The following ADAMTS1 variants were observed in gnomAD, a reference collection of about 807,000 sequenced individuals.
The protein encoded by ADAMTS1 is ADAM metallopeptidase with thrombospondin type 1 motif 1.
ADAMTS1 carries 19 observed loss-of-function variants against 87.9 expected under a neutral mutation model. That is an observed-to-expected ratio of 0.22 (90% CI 0.15 to 0.32). The LOEUF is 0.32. Among genes scored for constraint, ADAMTS1 ranks in the 10% least tolerant of loss-of-function variants. The pLI, the probability that ADAMTS1 is intolerant of heterozygous loss-of-function variation, is 1.00. For synonymous variants in ADAMTS1, 542 were observed against 501.8 expected (o/e 1.08, Z -1.07); for missense variants, 1,240 against 1,259.1 (o/e 0.98, Z 0.23).
chr21:26,845,044 T>C lies in ADAMTS1; in HGVS notation c.-90A>G. On this transcript the variant is annotated 5_prime_UTR_variant, in exon 1 of 9. Coordinates refer to ENST00000284984, the MANE Select transcript of ADAMTS1 (RefSeq NM_006988.5). ...AGAGCAAAGCCTCGTTGGCCTGCTC[T>C]GGATTGTTAAAATTAACAATTTCTA... The C allele has an allele frequency of 1.8e-5, 24 of 1,369,486 alleles. No individual in the cohort carries two copies. The South Asian group carries it at 4.7e-4, about 27-fold the overall frequency. The allele number at this position is 1,369,486 out of a possible 1,614,324, so 84.8% of individuals were successfully genotyped here.
At position 26,844,358 on chromosome 21, in the gene ADAMTS1, C is replaced by T; in HGVS notation, c.597G>A (p.Gly199=). The change falls in exon 1 of 9, where the codon GGG becomes GGA. Residue 199 remains glycine, a synonymous_variant. Coordinates refer to ENST00000284984, the MANE Select transcript of ADAMTS1 (RefSeq NM_006988.5). ...NRQGDVGGTC[G]VVDDEPRPTG... ...TCGGCCGGGGCTCGTCGTCCACGACCCCGCACGTGCCGCCGACGTCGCCCT... is the reference window on the plus strand; with the variant it reads ...TCGGCCGGGGCTCGTCGTCCACGACTCCGCACGTGCCGCCGACGTCGCCCT... 1.9e-6 allele frequency: 3 copies of T among 1,599,078 alleles called. No homozygotes were observed. The highest frequency in any genetic ancestry group is 2.6e-6 in the Non-Finnish European group (3 of 1,175,490).
In ADAMTS1 at chr21:26,837,323, A is replaced by G. The variant is rs139159272; in HGVS notation, c.*256T>C. 8.3e-4 allele frequency: 329 copies of G among 396,518 alleles called. 3 individuals carry two copies. In the East Asian group the frequency reaches 0.01, roughly 12 times the overall value. 24.6% of individuals were successfully genotyped at this position (396,518 alleles called of 1,614,324 possible). On this transcript the variant is annotated 3_prime_UTR_variant, in exon 9 of 9. Coordinates refer to ENST00000284984, the MANE Select transcript of ADAMTS1 (RefSeq NM_006988.5). ...AGATGTAACAAAAGAAATAATAATA[A>G]TAATGCCCGGGGCTTTATTATGCTA...
chr21:26,845,154 G>T lies in ADAMTS1; in HGVS notation c.-200C>A. The T allele has an allele frequency of 1.4e-6, 1 of 697,292 alleles. No homozygotes were observed. The highest frequency in any genetic ancestry group is 2.0e-6 in the Non-Finnish European group (1 of 495,672). The allele number at this position is 697,292 out of a possible 1,614,324, so 43.2% of individuals were successfully genotyped here. On this transcript the variant is annotated 5_prime_UTR_variant, in exon 1 of 9. Coordinates refer to ENST00000284984, the MANE Select transcript of ADAMTS1 (RefSeq NM_006988.5). ...GGAGGCGCTGCAGTTCTGCCGGCGCGCGGGAAGTTTTTCTTCCAGCGCAAA... is the reference window on the plus strand; with the variant it reads ...GGAGGCGCTGCAGTTCTGCCGGCGCTCGGGAAGTTTTTCTTCCAGCGCAAA...
rs749885248 is a variant in ADAMTS1 at position 26,839,579 on chromosome 21, C to T, written c.2028+8G>A. The T allele has an allele frequency of 2.4e-5, 36 of 1,526,214 alleles. No homozygotes were observed. The highest frequency in any genetic ancestry group is 1.8e-4 in the Middle Eastern group (1 of 5,428). The allele number at this position is 1,526,214 out of a possible 1,614,324, so 94.5% of individuals were successfully genotyped here. A position where few individuals can be genotyped will look rare whatever the true frequency, so the allele number is the denominator to read the frequency against. Reference sequence around the variant, plus strand: ...TTTTTAGGTAAAAATAAGGTAAAAACGAACTACCTTGGGCTGCAAAACGAA... The same window carrying T: ...TTTTTAGGTAAAAATAAGGTAAAAATGAACTACCTTGGGCTGCAAAACGAA... On this transcript the variant is annotated splice_region_variant and intron_variant, in intron 7 of 8. Transcript: ENST00000284984.
Position 26,837,168 on chromosome 21 carries a change from A to T in ADAMTS1, c.*411T>A. On this transcript the variant is annotated 3_prime_UTR_variant, in exon 9 of 9. Transcript: ENST00000284984. ...GTAAAGTAAAACAGGTCTTAGTAAA[A>T]TCTCACTTTTCTCCTACTTTTCATT... 6.0e-6 allele frequency: 1 copy of T among 166,966 alleles called. No individual in the cohort carries two copies. The highest frequency in any genetic ancestry group is 1.3e-5 in the Non-Finnish European group (1 of 75,750). The allele number at this position is 166,966 out of a possible 1,614,324, so 10.3% of individuals were successfully genotyped here.
At position 26,842,689 on chromosome 21, in the gene ADAMTS1, T is replaced by TAAAAA; in HGVS notation, c.731-5_731-4insTTTTT. 1.3e-6 allele frequency: 2 copies of TAAAAA among 1,595,002 alleles called. No individual in the cohort carries two copies. Among genetic ancestry groups the TAAAAA allele is most frequent in the Admixed American group, 1.8e-5 (1 of 55,174 alleles). On this transcript the variant is annotated splice_region_variant and splice_polypyrimidine_tract_variant and intron_variant, in intron 1 of 8. Transcript: ENST00000284984. ...TTCTTTCTTATGCTTCCAGTTCCTG[T>TAAAAA]AAAGAAAAAAAAAAGTTTGCTTATG... is the stretch of plus-strand genomic sequence containing the variant.
Position 26,837,356 on chromosome 21 carries a change from G to T in ADAMTS1, c.*223C>A, listed in dbSNP as rs1985387590. 1 of 551,064 alleles carries T rather than the reference G, an allele frequency of 1.8e-6. No homozygotes were observed. The highest frequency in any genetic ancestry group is 1.9e-5 in the African/African-American group (1 of 53,258). 34.1% of individuals were successfully genotyped at this position (551,064 alleles called of 1,614,324 possible). A position where few individuals can be genotyped will look rare whatever the true frequency, so the allele number is the denominator to read the frequency against. ...CGGGGCTTTATTATGCTATATCACT[G>T]CTCAGAGGTTAATAATCCTCACTAA... On this transcript the variant is annotated 3_prime_UTR_variant, in exon 9 of 9. Coordinates refer to ENST00000284984, the MANE Select transcript of ADAMTS1 (RefSeq NM_006988.5).
rs772156527 is a variant in ADAMTS1 at position 26,840,355 on chromosome 21, G to A, written c.1586C>T (p.Ala529Val). Residue 529 changes from alanine (A) to valine (V), a missense_variant, in exon 5 of 9, where the codon GCG (alanine) becomes GTG (valine). Physicochemically the swap from Ala to Val is moderately conservative, Grantham distance 64. Around this residue, in one of 3 missense-constraint regions of ADAMTS1, gnomAD observed 317 missense variants for 410.3 expected, o/e 0.77. Transcript: ENST00000284984. The stretch of plus-strand genomic sequence containing the variant: ...CCCTTCTCCACAGCTGGTGCCATCC[G>A]CCCACGGGAAGTGTTTGGTTTGACA... Reference protein sequence around the residue: ...LVCQTKHFPWADGTSCGEGKW... With the variant: ...LVCQTKHFPWVDGTSCGEGKW... 20 of 1,614,032 alleles carry A rather than the reference G, an allele frequency of 1.2e-5. No individual in the cohort carries two copies. Among genetic ancestry groups the A allele is most frequent in the East Asian group, 2.2e-5 (1 of 44,894 alleles).
At position 26,837,525 on chromosome 21, in the gene ADAMTS1, C is replaced by T. The variant is rs898685359; in HGVS notation, c.*54G>A. On this transcript the variant is annotated 3_prime_UTR_variant, in exon 9 of 9. Transcript: ENST00000284984. ...CCCTCCAGCCTTCTTGCTTTCCCTG[C>T]ACCAGCCCTTCCTCACTTTGCCTTG... 5.2e-6 allele frequency: 8 copies of T among 1,529,116 alleles called. No individual in the cohort carries two copies. In the South Asian group the frequency reaches 7.1e-5, roughly 14 times the overall value. 94.7% of individuals were successfully genotyped at this position (1,529,116 alleles called of 1,614,324 possible). A position where few individuals can be genotyped will look rare whatever the true frequency, so the allele number is the denominator to read the frequency against.
chr21:26,837,624 T>G lies in ADAMTS1; in HGVS notation c.2859A>C (p.Lys953Asn), dbSNP rs75940928. The G allele has an allele frequency of 6.2e-7, 1 of 1,614,080 alleles. No individual in the cohort carries two copies. Among genetic ancestry groups the G allele is most frequent in the South Asian group, 1.1e-5 (1 of 91,096 alleles). ...TGCAAAAGTCTATGAAATGTTTAGG[T>G]TTCTTTAAAGGATCACAGCTCTCAT... The part of the protein sequence containing the change: ...LSHESCDPLK[K>N]PKHFIDFCTM... Residue 953 changes from lysine to asparagine, a missense_variant, in exon 9 of 9, where the codon AAA (lysine) becomes AAC (asparagine). By Grantham distance (94) the Lys-to-Asn change is moderately conservative. Transcript: ENST00000284984.
Position 26,844,187 on chromosome 21 carries a change from A to G in ADAMTS1, c.730+38T>C, listed in dbSNP as rs752616055. The G allele has an allele frequency of 7.3e-6, 11 of 1,515,704 alleles. No individual in the cohort carries two copies. The East Asian group carries it at 2.3e-4, about 32-fold the overall frequency. 93.9% of individuals were successfully genotyped at this position (1,515,704 alleles called of 1,614,324 possible). A position where few individuals can be genotyped will look rare whatever the true frequency, so the allele number is the denominator to read the frequency against. ...GTGGGATAGATAAAGTGAGGAGAGGAGGATGAATGGACAGACAAACGAGAG... is the reference window on the plus strand; with the variant it reads ...GTGGGATAGATAAAGTGAGGAGAGGGGGATGAATGGACAGACAAACGAGAG... On this transcript the variant is annotated intron_variant, in intron 1 of 8. Coordinates refer to ENST00000284984, the MANE Select transcript of ADAMTS1 (RefSeq NM_006988.5).
At position 26,840,468 on chromosome 21, in the gene ADAMTS1, T is replaced by C; in HGVS notation, c.1473A>G (p.Thr491=). The change falls in exon 5 of 9, where the codon ACA becomes ACG. Residue 491 remains threonine, a synonymous_variant. Transcript: ENST00000284984. ...SYDANRQCQF[T]FGEDSKHCPD... is the part of the protein sequence containing the mutation. ...GGCAGTGTTTGGAGTCCTCCCCAAATGTAAACTGGCACTGCCGGTTGGCAT... is the reference window on the plus strand; with the variant it reads ...GGCAGTGTTTGGAGTCCTCCCCAAACGTAAACTGGCACTGCCGGTTGGCAT... 6.2e-7 allele frequency: 1 copy of C among 1,614,138 alleles called. No individual in the cohort carries two copies. Among genetic ancestry groups the C allele is most frequent in the Non-Finnish European group, 8.5e-7 (1 of 1,179,986 alleles).
rs991695419 is a variant in ADAMTS1, at chr21:26,845,265, G to A, written c.-311C>T. On this transcript the variant is annotated 5_prime_UTR_variant, in exon 1 of 9. Coordinates refer to ENST00000284984, the MANE Select transcript of ADAMTS1 (RefSeq NM_006988.5). Reference sequence around the variant, plus strand: ...GGGGCGCCTCCGGGGCTGAGGCAACGCGGAGATTGGTGCCTGGCGCCCCTC... The same window carrying A: ...GGGGCGCCTCCGGGGCTGAGGCAACACGGAGATTGGTGCCTGGCGCCCCTC... The A allele has an allele frequency of 1.1e-4, 33 of 301,808 alleles. No homozygotes were observed. In the Admixed American group the frequency reaches 1.5e-3, roughly 14 times the overall value. The allele number at this position is 301,808 out of a possible 1,614,324, so 18.7% of individuals were successfully genotyped here. A position where few individuals can be genotyped will look rare whatever the true frequency, so the allele number is the denominator to read the frequency against.
intron 3 of ADAMTS1, chr21:26,841,484 AAAT>A (rs760365927): frequency 3.8e-4 from 95 of 251,848 alleles, no homozygotes; most frequent in Middle Eastern, 1.3e-3. Context: ...ATCTCAAAAA[AAAT>A]AATAATAAAA....
At position 26,844,376 on chromosome 21, in the gene ADAMTS1, G is replaced by A; in HGVS notation, c.579C>T (p.Asp193=). ...CCACGACCCCGCACGTGCCGCCGAC[G>A]TCGCCCTGCCGATTCCGCCGCAGGA... The part of the protein sequence containing the change: ...FHLLRRNRQG[D]VGGTCGVVDD... The change falls in exon 1 of 9, where the codon GAC becomes GAT. Residue 193 remains aspartate (D), a synonymous_variant. Coordinates refer to ENST00000284984, the MANE Select transcript of ADAMTS1 (RefSeq NM_006988.5). 6.3e-7 allele frequency: 1 copy of A among 1,591,076 alleles called. No homozygotes were observed. Among genetic ancestry groups the A allele is most frequent in the Non-Finnish European group, 8.5e-7 (1 of 1,171,816 alleles).
chr21:26,844,844 C>T lies in ADAMTS1; in HGVS notation c.111G>A (p.Leu37=). 6.4e-7 allele frequency: 1 copy of T among 1,558,538 alleles called. No individual in the cohort carries two copies. The highest frequency in any genetic ancestry group is 8.7e-7 in the Non-Finnish European group (1 of 1,152,674). ...SRSFGPVPTL[L]LLAAALLAVS... The stretch of plus-strand genomic sequence containing the variant: ...CGGCCAGTAGCGCCGCGGCGAGCAG[C>T]AGCAGCGTGGGTACTGGCCCAAAGC... Residue 37 remains leucine (L), a synonymous_variant, in exon 1 of 9, where the codon CTG becomes CTA. Transcript: ENST00000284984.
chr21:26,840,672 C>T (rs1040853789), intron 4 of ADAMTS1, 110 bp from the exon 5 acceptor site: 63 of 1,266,818 alleles, frequency 5.0e-5, no homozygotes, highest in Middle Eastern at 2.6e-4. Flanking sequence ...GCAAAGTGAT[C>T]TGAAAACTGT....
At chr21:26,841,673 T>C (rs1601923268) in intron 3 of ADAMTS1, 185 bp downstream of exon 3, 2 of 629,264 alleles carry the variant, frequency 3.2e-6, no homozygotes, top group Non-Finnish European at 5.1e-6. Context: ...CCAGAGCTAC[T>C]ACTATCTTAT....
rs771203959 is a variant in ADAMTS1, at chr21:26,838,000, A to C, written c.2483T>G (p.Val828Gly). ...AATTTTAGGTCGAAGGGCATTGCCC[A>C]CAGTAAGAACCTGGATGGTCAAGGG... ...KEPLTIQVLT[V>G]GNALRPKIKY... Residue 828 changes from valine to glycine, a missense_variant, in exon 9 of 9, where the codon GTG becomes GGG. By Grantham distance (109) the Val-to-Gly change is moderately radical (BLOSUM62 -3). This residue lies in a region of ADAMTS1 where 402 missense variants were observed against 399.1 expected (regional missense o/e 1.01). Coordinates refer to ENST00000284984, the MANE Select transcript of ADAMTS1 (RefSeq NM_006988.5). The C allele has an allele frequency of 1.2e-6, 2 of 1,614,234 alleles. No homozygotes were observed. The highest frequency in any genetic ancestry group is 3.3e-5 in the Admixed American group (2 of 60,034).
Sources: gnomAD v4.1 joint callset for allele counts on GRCh38, gnomAD v4.1.1 for gene constraint, gnomAD v4.1.1 regional missense constraint, MANE v1.5 for transcripts, NCBI Gene and HGNC (gene_info 2026-07-23, HGNC 2026-07-21) for gene names.